XKR4: variants seen among roughly 807,000 people sequenced by gnomAD.
XKR4 encodes XK related 4.
Under a neutral mutation model 53.9 loss-of-function variants are expected in XKR4, and 12 were observed. The ratio of observed to expected loss-of-function variants is 0.22; its 90% CI spans 0.14 to 0.36. XKR4 has a LOEUF of 0.36. Ranked by LOEUF, XKR4 falls within the 10% of genes least tolerant of loss-of-function variation. The probability of loss-of-function intolerance (pLI) is 1.00; values close to 1 mark genes in which losing one functional copy is unlikely to be tolerated. For missense variants in XKR4, 799 were observed against 859.5 expected (o/e 0.93, Z 0.88); for synonymous variants, 354 against 362.4 (o/e 0.98, Z 0.26).
intron 1 of XKR4, among the ~76,000 whole-genome samples, chr8:55,250,358 G>A (rs1414798380): frequency 6.6e-6 from 1 of 152,124 alleles, no homozygotes; most frequent in Non-Finnish European, 1.5e-5. Context: ...GAAGCCCATA[G>A]ATCCTCAGAA....
intron 2 of XKR4, among the ~76,000 whole-genome samples, chr8:55,446,355 T>G (rs903000993): frequency 3.9e-5 from 6 of 152,172 alleles, no homozygotes; most frequent in Admixed American, 2.6e-4. Flanking sequence ...ATTTCTTTTT[T>G]TTTTGACACA....
chr8:55,278,201 G>A (rs985381048), intron 1 of XKR4, among the ~76,000 whole-genome samples: 25 of 152,164 alleles, frequency 1.6e-4, no homozygotes, highest in African/African-American at 4.8e-4. Flanking sequence ...GCCAGGCATG[G>A]TGATGCACAC....
chr8:55,322,540 C>T (rs931974610), intron 1 of XKR4, among the ~76,000 whole-genome samples: 2 of 152,126 alleles, frequency 1.3e-5, no homozygotes, highest in African/African-American at 2.4e-5. Flanking sequence ...TCTAAATTTG[C>T]CTGATATTTT....
At chr8:55,190,483 C>A (rs1316871486) in intron 1 of XKR4, among the ~76,000 whole-genome samples, 2 of 152,184 alleles carry the variant, frequency 1.3e-5, no homozygotes, top group African/African-American at 4.8e-5. Context: ...CTAGACCCAG[C>A]CACTCTTTAC....
chr8:55,324,288 G>T (rs181296914), intron 1 of XKR4, among the ~76,000 whole-genome samples: 1 of 152,214 alleles, frequency 6.6e-6, no homozygotes, highest in East Asian at 1.9e-4. Flanking sequence ...TAGAGACAGG[G>T]TCTTGCTACA....
rs554788986 is a variant in XKR4 at position 55,481,989 on chromosome 8, G to A, written c.1007-41292G>A. On this transcript the variant is annotated intron_variant, in intron 2 of 2. Transcript: ENST00000327381. ...CAACCATTGTGGAAGTCAGTGTGGCGATTCCTCAGGGAACTAGAAGTAGAA... is the reference window on the plus strand; with the variant it reads ...CAACCATTGTGGAAGTCAGTGTGGCAATTCCTCAGGGAACTAGAAGTAGAA... Among the ~76,000 whole-genome samples, 19 of 152,298 alleles carry A rather than the reference G, an allele frequency of 1.2e-4. No individual in the cohort carries two copies. In the East Asian group the frequency reaches 2.9e-3, roughly 23 times the overall value.
At chr8:55,305,139 C>A (rs1004473011) in intron 1 of XKR4, among the ~76,000 whole-genome samples, 1 of 152,112 alleles carries the variant, frequency 6.6e-6, no homozygotes, top group African/African-American at 2.4e-5. Flanking sequence ...CAGCCACTGG[C>A]CTTACATAGC....
intron 1 of XKR4, among the ~76,000 whole-genome samples, chr8:55,178,730 T>A (rs1431278591): frequency 6.6e-6 from 1 of 152,160 alleles, no homozygotes; most frequent in Non-Finnish European, 1.5e-5. Flanking sequence ...CATTTCCTCA[T>A]TTGCAACATA....
At chr8:55,376,297 A>G (rs1031147908) in intron 2 of XKR4, among the ~76,000 whole-genome samples, 1 of 152,186 alleles carries the variant, frequency 6.6e-6, no homozygotes, top group African/African-American at 2.4e-5. Flanking sequence ...TCTTTGAGGA[A>G]TCACCACACT....
intron 1 of XKR4, chr8:55,135,755 C>A: frequency 7.6e-6 from 3 of 396,160 alleles, no homozygotes; most frequent in Middle Eastern, 4.9e-4. Flanking sequence ...CCTGACCCAG[C>A]AGGCCGGTGC....
intron 1 of XKR4, among the ~76,000 whole-genome samples, chr8:55,156,472 T>C (rs1196691086): frequency 1.3e-5 from 2 of 151,706 alleles, no homozygotes; most frequent in African/African-American, 4.8e-5. Flanking sequence ...GTAAGTCAGA[T>C]CTTTGCCTTC....
intron 1 of XKR4, among the ~76,000 whole-genome samples, chr8:55,245,137 C>T (rs528526390): frequency 7.2e-5 from 11 of 151,934 alleles, no homozygotes; most frequent in Non-Finnish European, 1.6e-4. Flanking sequence ...GAACTCCTGA[C>T]CTCAGATGAT....
At chr8:55,498,374 G>A (rs2622573) in intron 2 of XKR4, among the ~76,000 whole-genome samples, 56,171 of 151,778 alleles carry the variant, frequency 0.37, 12,110 homozygotes, top group African/African-American at 0.61. Context: ...GCATGTCCCT[G>A]GCACCTCTGC....
chr8:55,481,387 A>T (rs920160539), intron 2 of XKR4, among the ~76,000 whole-genome samples: 2 of 151,876 alleles, frequency 1.3e-5, no homozygotes, highest in Non-Finnish European at 2.9e-5. Flanking sequence ...CCTTATACAA[A>T]AATGAATTCA....
rs534961109 is a variant in XKR4 at position 55,214,011 on chromosome 8, G to A, written c.806+110717G>A. 1.3e-4 allele frequency among the ~76,000 whole-genome samples: 19 copies of A among 151,698 alleles called. 1 individual carries two copies. Among genetic ancestry groups the A allele is most frequent in the Middle Eastern group, 3.4e-3 (1 of 294 alleles). ...AGAGTAGTTGGGATTACAGGCGTGC[G>A]CCACCACACCTGGCTAATTTTTGTA... is the stretch of plus-strand genomic sequence containing the variant. On this transcript the variant is annotated intron_variant, in intron 1 of 2. Coordinates refer to ENST00000327381, the MANE Select transcript of XKR4 (RefSeq NM_052898.2).
chr8:55,479,007 C>A (rs1806054095), intron 2 of XKR4, among the ~76,000 whole-genome samples: 1 of 152,066 alleles, frequency 6.6e-6, no homozygotes, highest in African/African-American at 2.4e-5. Flanking sequence ...AGAAAGTTAA[C>A]AAGGATACCC....
intron 1 of XKR4, among the ~76,000 whole-genome samples, chr8:55,240,879 C>T (rs1025674883): frequency 5.3e-5 from 8 of 152,044 alleles, no homozygotes; most frequent in African/African-American, 7.2e-5. Flanking sequence ...TATGAGAGAC[C>T]GTCCTTATTT....
intron 1 of XKR4, among the ~76,000 whole-genome samples, chr8:55,230,771 G>T (rs1330521045): frequency 6.6e-6 from 1 of 152,190 alleles, no homozygotes; most frequent in Admixed American, 6.5e-5. Context: ...ATGCTTTTAT[G>T]AAAAGCTCAA....
rs966494118 is a variant in XKR4, at chr8:55,538,033, A to C, written c.*13806A>C. 6.6e-6 allele frequency: 1 copy of C among 152,214 alleles called. No individual in the cohort carries two copies. The highest frequency in any genetic ancestry group is 1.5e-5 in the Non-Finnish European group (1 of 68,042). 9.4% of individuals were successfully genotyped at this position (152,214 alleles called of 1,614,324 possible). The stretch of plus-strand genomic sequence containing the variant: ...AATGGAATTTATGGTGTCGTAGAAA[A>C]CCAAAAATCCATGTTGAATATAGTG... On this transcript the variant is annotated 3_prime_UTR_variant, in exon 3 of 3. Transcript: ENST00000327381.
Sources: gnomAD v4.1 joint callset for allele counts (sites outside exome capture counted in the v4.1 genomes callset) on GRCh38, gnomAD v4.1.1 for gene constraint, MANE v1.5 for transcripts, NCBI Gene and HGNC (gene_info 2026-07-23, HGNC 2026-07-21) for gene names.